The following RAB38 variants were observed in gnomAD, a reference collection of about 807,000 sequenced individuals.
RAB38 encodes the protein RAB38, member RAS oncogene family.
Under a neutral mutation model 18.4 loss-of-function variants are expected in RAB38, and 15 were observed. That is an observed-to-expected ratio of 0.82 (90% confidence interval 0.55 to 1.26). RAB38 has a LOEUF of 1.26. Among genes scored for constraint, RAB38 ranks in the 50% most tolerant of loss-of-function variants. RAB38 has a pLI of 0.00. For missense variants in RAB38, 294 were observed against 267.4 expected (o/e 1.10, Z -0.69); for synonymous variants, 101 against 104.4 (o/e 0.97, Z 0.20).
chr11:87,944,876 T>C, the RAB38 span, among the ~76,000 whole-genome samples: 29 of 152,092 alleles, frequency 1.9e-4, no homozygotes, highest in Admixed American at 1.5e-3. Context: ...AGGAAGGGCA[T>C]TGGAGCAGAA....
chr11:87,890,484 G>T, the RAB38 span, among the ~76,000 whole-genome samples: 1 of 151,692 alleles, frequency 6.6e-6, no homozygotes, highest in African/African-American at 2.4e-5. Context: ...ATTCATATCC[G>T]ATCCTTGTTA....
chr11:87,822,045 A>T, the RAB38 span, among the ~76,000 whole-genome samples: 2 of 152,076 alleles, frequency 1.3e-5, no homozygotes, highest in African/African-American at 4.8e-5. Flanking sequence ...TACTGCAGTA[A>T]CCATTTCAAA....
the RAB38 span, among the ~76,000 whole-genome samples, chr11:88,019,973 A>G: frequency 6.6e-6 from 1 of 152,196 alleles, no homozygotes; most frequent in South Asian, 2.1e-4. Context: ...CTGTAGACAT[A>G]CACATAGACC....
the RAB38 span, among the ~76,000 whole-genome samples, chr11:88,092,358 G>A: frequency 4.0e-4 from 5 of 12,498 alleles, no homozygotes; most frequent in East Asian, 1.9e-3. Flanking sequence ...GAGGGAGAGA[G>A]AGAGAGAGAG....
chr11:88,022,079 A>C, the RAB38 span, among the ~76,000 whole-genome samples: 1 of 152,060 alleles, frequency 6.6e-6, no homozygotes, highest in Non-Finnish European at 1.5e-5. Flanking sequence ...TCTCTGATGA[A>C]TGATGGTGCA....
At chr11:87,918,474 T>C in the RAB38 span, among the ~76,000 whole-genome samples, 67 of 152,272 alleles carry the variant, frequency 4.4e-4, no homozygotes, top group African/African-American at 1.5e-3. Context: ...CCCATAATGA[T>C]GTATTAATTT....
the RAB38 span, among the ~76,000 whole-genome samples, chr11:87,876,682 A>C: frequency 1.1e-4 from 17 of 151,568 alleles, no homozygotes; most frequent in East Asian, 3.3e-3. Flanking sequence ...ATTGTCTTTA[A>C]GTTTGAAAAT....
chr11:87,832,619 A>G, the RAB38 span, among the ~76,000 whole-genome samples: 2 of 152,130 alleles, frequency 1.3e-5, no homozygotes, highest in Non-Finnish European at 2.9e-5. Context: ...CCAGGCCCCT[A>G]TATCTCAGAG....
At chr11:87,848,867 G>A in the RAB38 span, among the ~76,000 whole-genome samples, 57 of 149,414 alleles carry the variant, frequency 3.8e-4, no homozygotes, top group African/African-American at 1.3e-3. Context: ...ATTATAACAT[G>A]TAATTATTAA....
the RAB38 span, among the ~76,000 whole-genome samples, chr11:87,864,139 A>G: frequency 2.0e-5 from 3 of 151,866 alleles, no homozygotes; most frequent in East Asian, 1.9e-4. Flanking sequence ...GGCTTCTACA[A>G]AAGTCCCTCA....
the RAB38 span, among the ~76,000 whole-genome samples, chr11:87,863,432 T>C: frequency 1.3e-5 from 2 of 151,778 alleles, no homozygotes; most frequent in African/African-American, 4.8e-5. Context: ...GTATTGTGTC[T>C]CACACTTCAC....
the RAB38 span, among the ~76,000 whole-genome samples, chr11:88,020,601 A>C: frequency 4.0e-4 from 61 of 152,350 alleles, no homozygotes; most frequent in African/African-American, 1.4e-3. Context: ...GAACAGATGG[A>C]CTTAATAGAT....
intron 2 of RAB38, among the ~76,000 whole-genome samples, chr11:88,147,650 TGGGAGGCTGA>T (rs1943006884): frequency 6.6e-6 from 1 of 151,008 alleles, no homozygotes. Flanking sequence ...CCCAGCACTT[TGGGAGGCTGA>T]GGAAGGCGGA....
the RAB38 span, among the ~76,000 whole-genome samples, chr11:87,952,179 G>A: frequency 6.6e-6 from 1 of 152,102 alleles, no homozygotes; most frequent in Admixed American, 6.5e-5. Flanking sequence ...GAGCTGGGGG[G>A]TAGGGAACAC....
At chr11:88,047,529 A>G in the RAB38 span, among the ~76,000 whole-genome samples, 1 of 152,210 alleles carries the variant, frequency 6.6e-6, no homozygotes, top group African/African-American at 2.4e-5. Flanking sequence ...CACTCTTGCA[A>G]AAGGACTACA....
At chr11:87,870,856 A>G in the RAB38 span, among the ~76,000 whole-genome samples, 2 of 151,660 alleles carry the variant, frequency 1.3e-5, no homozygotes, top group South Asian at 4.1e-4. Context: ...ACATTTGTGC[A>G]TTATGTTCAG....
At chr11:88,003,827 T>TTA in the RAB38 span, among the ~76,000 whole-genome samples, 18 of 936 alleles carry the variant, frequency 0.019, no homozygotes, top group Admixed American at 0.028. Flanking sequence ...ATATAATAGA[T>TTA]TGTATAATAT....
the RAB38 span, among the ~76,000 whole-genome samples, chr11:87,912,767 T>TTTG: frequency 7.7e-6 from 1 of 129,218 alleles, no homozygotes; most frequent in Admixed American, 7.2e-5. Flanking sequence ...TCTTTCTTTC[T>TTTG]TTTTTTTTTT....
the RAB38 span, among the ~76,000 whole-genome samples, chr11:87,916,847 T>C: frequency 6.6e-6 from 1 of 152,164 alleles, no homozygotes; most frequent in Admixed American, 6.5e-5. Flanking sequence ...AATCTCCATA[T>C]TTATTGTATG....
Sources: allele counts gnomAD v4.1 joint callset (sites outside exome capture counted in the v4.1 genomes callset), GRCh38; gene constraint gnomAD v4.1.1; transcripts MANE v1.5; gene names NCBI Gene and HGNC (gene_info 2026-07-23, HGNC 2026-07-21).